The following INTS2 variants were observed in gnomAD, a reference collection of about 807,000 sequenced individuals.
INTS2 encodes integrator complex subunit 2, also known as KIAA1287.
A neutral mutation model predicts 139.6 loss-of-function variants in INTS2; 57 were observed. The ratio of observed to expected loss-of-function variants is 0.41; its 90% confidence interval spans 0.33 to 0.51. The LOEUF is 0.51. INTS2 is among the 20% of genes least tolerant of loss of function. The pLI is 0.28. For missense variants in INTS2, 1,196 were observed against 1,436.7 expected (o/e 0.83, Z 2.71); for synonymous variants, 473 against 493.4 (o/e 0.96, Z 0.55).
chr17:61,905,112 AT>A (rs1168959807), intron 8 of INTS2, among the ~76,000 whole-genome samples: 2 of 151,202 alleles, frequency 1.3e-5, no homozygotes, highest in African/African-American at 4.8e-5. Context: ...TGCCCAGCTT[AT>A]TTTTTTTAGT....
Position 61,919,389 on chromosome 17 carries a change from A to G in INTS2, c.649+11T>C. ...AGTCTTTTCAATATACCATATTAGA[A>G]TCATATTTACCTTCATTAAAACTAT... On this transcript the variant is annotated intron_variant, in intron 5 of 24. Transcript: ENST00000251334. The G allele has an allele frequency of 7.3e-7, 1 of 1,377,514 alleles. No individual in the cohort carries two copies. 85.3% of individuals were successfully genotyped at this position (1,377,514 alleles called of 1,614,324 possible).
rs184397969 is a variant in INTS2, at chr17:61,876,118, T to C, written c.2457-1080A>G. Among the ~76,000 whole-genome samples the C allele has an allele frequency of 7.3e-3, 1,112 of 152,274 alleles. 9 individuals are homozygous for C. Among genetic ancestry groups the C allele is most frequent in the Non-Finnish European group, 0.011 (777 of 68,014 alleles). The stretch of plus-strand genomic sequence containing the variant: ...CATGAGTTGAGGTTACAGTGAACTA[T>C]GATTGTGCCACTGCAGTCCAGCCTG... On this transcript the variant is annotated intron_variant, in intron 18 of 24. Coordinates refer to ENST00000251334, the MANE Select transcript of INTS2 (RefSeq NM_001351695.2). The surrounding 1 kb of genome is among the most constrained non-coding windows in gnomAD (Gnocchi z 4.1).
chr17:61,872,157 T>C lies in INTS2; in HGVS notation c.2778+108A>G, dbSNP rs550424456. 34 of 569,512 alleles carry C rather than the reference T, an allele frequency of 6.0e-5. 1 individual carries two copies. The South Asian group carries it at 1.4e-3, about 23-fold the overall frequency. The allele number at this position is 569,512 out of a possible 1,614,324, so 35.3% of individuals were successfully genotyped here. On this transcript the variant is annotated intron_variant, in intron 20 of 24. Coordinates refer to ENST00000251334, the MANE Select transcript of INTS2 (RefSeq NM_001351695.2). This position sits in a 1 kb window ranked among gnomAD's most constrained non-coding sequence, Gnocchi z 4.8. ...ATTCTATAATAAAAGAAATGCACAA[T>C]ATGTCACCAATGTACATGGAGCGCA...
chr17:61,903,920 G>A (rs1040546550), intron 9 of INTS2, among the ~76,000 whole-genome samples: 32 of 151,802 alleles, frequency 2.1e-4, no homozygotes, highest in Non-Finnish European at 1.9e-4. Context: ...AAATCAAGAG[G>A]TATCAAATAC....
chr17:61,896,408 TAC>T (rs1347109295), intron 11 of INTS2, among the ~76,000 whole-genome samples: 2 of 152,150 alleles, frequency 1.3e-5, no homozygotes, highest in Non-Finnish European at 2.9e-5. Context: ...GATTTAATAT[TAC>T]AGTAGCTTTT....
At chr17:61,921,100 T>C (rs901856232) in intron 4 of INTS2, 1 of 152,246 alleles carries the variant, frequency 6.6e-6, no homozygotes, top group Non-Finnish European at 1.5e-5. Flanking sequence ...TTCTGTCCTC[T>C]TTTATTTCTA....
At chr17:61,924,804 G>A (rs1055957721) in intron 3 of INTS2, among the ~76,000 whole-genome samples, 157 bp downstream of exon 3, 4 of 152,070 alleles carry the variant, frequency 2.6e-5, no homozygotes, top group Non-Finnish European at 5.9e-5. Flanking sequence ...ATTCCAGCTT[G>A]GGCAATAAGA....
chr17:61,910,280 T>G (rs1350814954), intron 7 of INTS2: 1 of 152,264 alleles, frequency 6.6e-6, no homozygotes, highest in Non-Finnish European at 1.5e-5. Flanking sequence ...ACAGAGTTTC[T>G]GTTTGGGATG....
Position 61,869,810 on chromosome 17 carries a change from T to C in INTS2, c.2957A>G (p.Gln986Arg). 2.5e-6 allele frequency: 4 copies of C among 1,613,934 alleles called. No homozygotes were observed. Among genetic ancestry groups the C allele is most frequent in the Non-Finnish European group, 3.4e-6 (4 of 1,179,808 alleles). ...GTGCAAGAGACAACAGATAAGGCAC[T>C]GAACTTCTCGAAGGTTACAGAGCAA... ...DNLLCNLREVQCLICCLLHQM... is the reference protein window; with the variant it reads ...DNLLCNLREVRCLICCLLHQM... Residue 986 changes from glutamine to arginine, a missense_variant, in exon 21 of 25, where the codon CAG (glutamine) becomes CGG (arginine). Gln to Arg is a conservative substitution (Grantham distance 43). Around this residue, in one of 3 missense-constraint regions of INTS2, gnomAD observed 1,129 missense variants for 1,341.9 expected, o/e 0.84. Transcript: ENST00000251334. This position sits in a 1 kb window ranked among gnomAD's most constrained non-coding sequence, Gnocchi z 5.4.
chr17:61,890,452 A>C (rs1341153382), intron 14 of INTS2, among the ~76,000 whole-genome samples: 1 of 151,770 alleles, frequency 6.6e-6, no homozygotes, highest in East Asian at 1.9e-4. Context: ...TCTACTAAAA[A>C]TATAAAAATT....
In INTS2 at chr17:61,865,693, G is replaced by A. The variant is rs1021519823; in HGVS notation, c.*1864C>T. 4 of 150,460 alleles carry A rather than the reference G, an allele frequency of 2.7e-5. No individual in the cohort carries two copies. The highest frequency in any genetic ancestry group is 4.9e-5 in the African/African-American group (2 of 41,116). The allele number at this position is 150,460 out of a possible 1,614,324, so 9.3% of individuals were successfully genotyped here. A position where few individuals can be genotyped will look rare whatever the true frequency, so the allele number is the denominator to read the frequency against. Reference sequence around the variant, plus strand: ...GGCATATCTATTCACACAAAATATCGCAAGGCCTCAGTTTAAAAAAAAAAG... The same window carrying A: ...GGCATATCTATTCACACAAAATATCACAAGGCCTCAGTTTAAAAAAAAAAG... On this transcript the variant is annotated 3_prime_UTR_variant, in exon 25 of 25. Transcript: ENST00000251334. The surrounding 1 kb of genome is among the most constrained non-coding windows in gnomAD (Gnocchi z 4.8).
chr17:61,920,166 G>A (rs925094917), intron 4 of INTS2, among the ~76,000 whole-genome samples: 4 of 144,548 alleles, frequency 2.8e-5, no homozygotes, highest in African/African-American at 7.7e-5. Context: ...TTATTTTCAC[G>A]AAAATCTTAT....
intron 7 of INTS2, chr17:61,911,170 T>A: frequency 3.5e-6 from 1 of 288,782 alleles, no homozygotes; most frequent in Non-Finnish European, 6.3e-6. Flanking sequence ...TATCACACAC[T>A]ATACCCTAGA....
At position 61,869,225 on chromosome 17, in the gene INTS2, G is replaced by C. The variant is rs1369776012; in HGVS notation, c.3138+48C>G. The C allele has an allele frequency of 6.9e-7, 1 of 1,456,206 alleles. No individual in the cohort carries two copies. Among genetic ancestry groups the C allele is most frequent in the East Asian group, 2.3e-5 (1 of 42,860 alleles). The allele number at this position is 1,456,206 out of a possible 1,614,324, so 90.2% of individuals were successfully genotyped here. ...ATAAAATGTTTTGTATAACTAGTAA[G>C]ACTGGAGAGAGAGATCAATTGTCCT... On this transcript the variant is annotated intron_variant, in intron 22 of 24. Transcript: ENST00000251334. The surrounding 1 kb of genome is among the most constrained non-coding windows in gnomAD (Gnocchi z 5.4).
At chr17:61,899,781 G>A (rs887440995) in intron 9 of INTS2, among the ~76,000 whole-genome samples, 2 of 151,664 alleles carry the variant, frequency 1.3e-5, no homozygotes, top group Non-Finnish European at 2.9e-5. Flanking sequence ...GCATGGTGGC[G>A]CATGTTTGTA....
At chr17:61,923,477 CAAAAAAAAAAAAAAA>C (rs933124889) in intron 3 of INTS2, among the ~76,000 whole-genome samples, 3 of 30,682 alleles carry the variant, frequency 9.8e-5, no homozygotes, top group Non-Finnish European at 1.8e-4. Context: ...ACTCTGTCTC[CAAAAAAAAAAAAAAA>C]AAAAAAAAAA....
intron 1 of INTS2, chr17:61,927,075 T>C: frequency 4.7e-6 from 1 of 211,988 alleles, no homozygotes; most frequent in Non-Finnish European, 9.7e-6. Flanking sequence ...TAAACAAAAG[T>C]GAATGGTCAT....
chr17:61,924,773 G>A (rs2079691460), intron 3 of INTS2, among the ~76,000 whole-genome samples, 188 bp downstream of exon 3: 1 of 152,108 alleles, frequency 6.6e-6, no homozygotes, highest in Non-Finnish European at 1.5e-5. Flanking sequence ...AGATTACAGT[G>A]AGCTGAGATC....
intron 12 of INTS2, among the ~76,000 whole-genome samples, chr17:61,895,011 A>T (rs1318854460): frequency 6.6e-6 from 1 of 152,170 alleles, no homozygotes; most frequent in Middle Eastern, 3.2e-3. Flanking sequence ...CTTTCTCCAG[A>T]CACATTAAAA....
Sources: allele counts gnomAD v4.1 joint callset (sites outside exome capture counted in the v4.1 genomes callset), GRCh38; gene constraint gnomAD v4.1.1; regional missense constraint gnomAD v4.1.1; non-coding constraint Gnocchi (gnomAD v3.1); transcripts MANE v1.5; gene names NCBI Gene and HGNC (gene_info 2026-07-23, HGNC 2026-07-21).